SLC44A5: variants seen among roughly 807,000 people sequenced by gnomAD.
SLC44A5 encodes the protein solute carrier family 44 member 5.
A neutral mutation model predicts 101.8 loss-of-function variants in SLC44A5; 57 were observed. The ratio of observed to expected loss-of-function variants is 0.56; its 90% CI spans 0.45 to 0.70. The LOEUF is 0.70. Ranked by LOEUF, SLC44A5 falls within the 30% of genes least tolerant of loss-of-function variation. SLC44A5 has a pLI of 0.00. For missense variants in SLC44A5, 737 were observed against 853.1 expected (o/e 0.86, Z 1.70); for synonymous variants, 281 against 290.9 (o/e 0.97, Z 0.35).
At chr1:75,561,560 A>C (rs533334912) in intron 1 of SLC44A5, among the ~76,000 whole-genome samples, 1 of 152,302 alleles carries the variant, frequency 6.6e-6, no homozygotes, top group Non-Finnish European at 1.5e-5. Context: ...TATTCAATAA[A>C]CACTGAATGC....
At chr1:75,362,144 G>A in intron 3 of SLC44A5, among the ~76,000 whole-genome samples, 1 of 151,812 alleles carries the variant, frequency 6.6e-6, no homozygotes, top group East Asian at 1.9e-4. Flanking sequence ...GTGGTTATCA[G>A]TTATAATGTT....
chr1:75,554,851 A>G (rs1672132754), intron 1 of SLC44A5, among the ~76,000 whole-genome samples: 5 of 152,170 alleles, frequency 3.3e-5, no homozygotes, highest in Admixed American at 3.3e-4. Context: ...AAATAGATTC[A>G]GTTATGTTAA....
At chr1:75,338,969 G>T (rs1014201813) in intron 4 of SLC44A5, among the ~76,000 whole-genome samples, 1 of 152,122 alleles carries the variant, frequency 6.6e-6, no homozygotes, top group Non-Finnish European at 1.5e-5. Flanking sequence ...CAAAAAGCTT[G>T]CAAATAGAGG....
intron 5 of SLC44A5, among the ~76,000 whole-genome samples, chr1:75,294,587 G>A (rs1570598266): frequency 2.0e-5 from 3 of 151,958 alleles, no homozygotes; most frequent in East Asian, 3.9e-4. Context: ...TTTAAGTATC[G>A]ATCAATAGTT....
the SLC44A5 span, among the ~76,000 whole-genome samples, chr1:75,684,605 A>T: frequency 6.6e-6 from 1 of 152,226 alleles, no homozygotes; most frequent in South Asian, 2.1e-4. Context: ...CCAGCAGGGT[A>T]TTCAAATCTT....
chr1:75,582,509 A>T (rs952410917), intron 1 of SLC44A5: 1 of 573,174 alleles, frequency 1.7e-6, no homozygotes, highest in Non-Finnish European at 3.1e-6. Flanking sequence ...TCCAGCTTCA[A>T]TTCCAGCTCA....
chr1:75,582,079 C>G, intron 1 of SLC44A5: 2 of 708,428 alleles, frequency 2.8e-6, no homozygotes, highest in Non-Finnish European at 5.2e-6. Context: ...TCAGGAGCCA[C>G]GGGTTACAGT....
At chr1:75,268,312 G>T (rs188126056) in intron 6 of SLC44A5, among the ~76,000 whole-genome samples, 161 of 152,272 alleles carry the variant, frequency 1.1e-3, no homozygotes, top group African/African-American at 3.7e-3. Flanking sequence ...ACCTCCTCAT[G>T]AGAGTGCTTC....
At chr1:75,681,554 A>G in the SLC44A5 span, among the ~76,000 whole-genome samples, 105 of 151,764 alleles carry the variant, frequency 6.9e-4, no homozygotes, top group African/African-American at 2.5e-3. Flanking sequence ...ACAAAATTCA[A>G]CAACTCTTCA....
chr1:75,668,093 G>T, the SLC44A5 span, among the ~76,000 whole-genome samples: 1 of 151,976 alleles, frequency 6.6e-6, no homozygotes, highest in Admixed American at 6.6e-5. Flanking sequence ...AGTGTCTATT[G>T]CCATGTTTCT....
chr1:75,680,417 G>T, the SLC44A5 span, among the ~76,000 whole-genome samples: 5 of 152,022 alleles, frequency 3.3e-5, no homozygotes, highest in East Asian at 5.8e-4. Flanking sequence ...CTATCTCTCA[G>T]ACCACAGTGC....
chr1:75,532,739 CT>C (rs770491526), intron 2 of SLC44A5, among the ~76,000 whole-genome samples: 138 of 152,198 alleles, frequency 9.1e-4, no homozygotes, highest in Non-Finnish European at 1.7e-3. Flanking sequence ...ATTATAAGCA[CT>C]CAAAACATAT....
intron 2 of SLC44A5, among the ~76,000 whole-genome samples, chr1:75,440,475 G>A (rs1423521833): frequency 3.3e-5 from 5 of 152,086 alleles, no homozygotes; most frequent in Admixed American, 1.3e-4. Flanking sequence ...CAGGAAACAA[G>A]GTTGGAGAGA....
chr1:75,470,283 T>G (rs1419061805), intron 2 of SLC44A5, among the ~76,000 whole-genome samples: 1 of 152,166 alleles, frequency 6.6e-6, no homozygotes, highest in Non-Finnish European at 1.5e-5. Context: ...GTAAAAAACA[T>G]ACTCAAAGAT....
At chr1:75,676,175 A>T in the SLC44A5 span, among the ~76,000 whole-genome samples, 1 of 152,244 alleles carries the variant, frequency 6.6e-6, no homozygotes, top group Non-Finnish European at 1.5e-5. Context: ...ATACCGTTTG[A>T]TGCAGCAATC....
At chr1:75,324,656 C>T (rs1249657) in intron 4 of SLC44A5, among the ~76,000 whole-genome samples, 78,987 of 151,990 alleles carry the variant, frequency 0.52, 21,942 homozygotes, top group East Asian at 0.84. Flanking sequence ...AGTCTGAAGG[C>T]TGCAAGTTTA....
intron 7 of SLC44A5, among the ~76,000 whole-genome samples, chr1:75,247,730 G>A (rs1299991061): frequency 6.6e-6 from 1 of 152,000 alleles, no homozygotes; most frequent in African/African-American, 2.4e-5. Flanking sequence ...GGTATTTTAA[G>A]GAGGTGGGAT....
intron 4 of SLC44A5, among the ~76,000 whole-genome samples, chr1:75,339,215 A>C (rs1351329690): frequency 1.3e-5 from 2 of 151,952 alleles, no homozygotes; most frequent in East Asian, 1.9e-4. Context: ...GCAACTCTGC[A>C]TTTGCAATGG....
chr1:75,527,696 T>A (rs1670496890), intron 2 of SLC44A5, among the ~76,000 whole-genome samples: 1 of 141,910 alleles, frequency 7.0e-6, no homozygotes, highest in African/African-American at 2.7e-5. Context: ...AGCAAGACTT[T>A]GCTTTTTGAG....
Sources: allele counts gnomAD v4.1 joint callset (sites outside exome capture counted in the v4.1 genomes callset), GRCh38; gene constraint gnomAD v4.1.1; transcripts MANE v1.5; gene names NCBI Gene and HGNC (gene_info 2026-07-23, HGNC 2026-07-21).